PRKAR2B: variants seen among roughly 807,000 people sequenced by gnomAD.
The protein encoded by PRKAR2B is cAMP-dependent protein kinase type II-beta regulatory subunit.
In PRKAR2B, 14 loss-of-function variants were observed where a neutral mutation model predicts 49.9. The observed-to-expected ratio is 0.28, with a 90% confidence interval of 0.19 to 0.44. The LOEUF is 0.44. Ranked by LOEUF, PRKAR2B falls within the 20% of genes least tolerant of loss-of-function variation. The pLI is 1.00. For missense variants in PRKAR2B, 393 were observed against 537.9 expected (o/e 0.73, Z 2.67); for synonymous variants, 196 against 197.7 (o/e 0.99, Z 0.07).
intron 1 of PRKAR2B, among the ~76,000 whole-genome samples, chr7:107,046,863 G>A (rs1248175874): frequency 6.6e-6 from 1 of 151,898 alleles, no homozygotes; most frequent in Admixed American, 6.6e-5. Context: ...ATGATATGTT[G>A]TTAATATAAT....
intron 2 of PRKAR2B, among the ~76,000 whole-genome samples, chr7:107,080,283 G>A (rs1356965548): frequency 1.3e-5 from 2 of 152,184 alleles, no homozygotes; most frequent in Non-Finnish European, 2.9e-5. Context: ...TACCGTCTAA[G>A]AGAAGGAGTG....
Position 107,150,902 on chromosome 7 carries a change from T to G in PRKAR2B, c.742-20T>G, listed in dbSNP as rs1426397293. On this transcript the variant is annotated intron_variant, in intron 6 of 10. Transcript: ENST00000265717. ...AGCTTTACCCCCATAAAATTTACCC[T>G]TTAACTGTTCTGCCTGTAGGACAGG... 1 of 1,417,972 alleles carries G rather than the reference T, an allele frequency of 7.1e-7. No individual in the cohort carries two copies. The highest frequency in any genetic ancestry group is 9.8e-7 in the Non-Finnish European group (1 of 1,020,208). The allele number at this position is 1,417,972 out of a possible 1,614,324, so 87.8% of individuals were successfully genotyped here.
chr7:107,108,932 G>A (rs544282720), intron 2 of PRKAR2B, among the ~76,000 whole-genome samples: 47 of 152,332 alleles, frequency 3.1e-4, no homozygotes, highest in African/African-American at 1.1e-3. Context: ...ACAGTGTCCA[G>A]CCAAATGACT....
intron 2 of PRKAR2B, among the ~76,000 whole-genome samples, chr7:107,107,820 G>A (rs1355183826): frequency 6.6e-6 from 1 of 152,044 alleles, no homozygotes; most frequent in East Asian, 1.9e-4. Flanking sequence ...ACCATGCCCA[G>A]CTAATTTTTG....
intron 1 of PRKAR2B, among the ~76,000 whole-genome samples, chr7:107,053,591 C>T (rs1398839215): frequency 1.3e-5 from 2 of 150,300 alleles, no homozygotes; most frequent in Non-Finnish European, 3.0e-5. Context: ...GACAGTCACT[C>T]GGTAAGTTAA....
chr7:107,095,000 G>T (rs939465540), intron 2 of PRKAR2B, among the ~76,000 whole-genome samples: 1 of 152,030 alleles, frequency 6.6e-6, no homozygotes, highest in Admixed American at 6.6e-5. Flanking sequence ...CTCTTTTTTG[G>T]CTCCACATGA....
intron 1 of PRKAR2B, among the ~76,000 whole-genome samples, chr7:107,052,396 C>G (rs185893113): frequency 7.9e-5 from 12 of 152,210 alleles, no homozygotes; most frequent in African/African-American, 2.6e-4. Flanking sequence ...CCAGCTTGGG[C>G]AACAGAGGTA....
intron 1 of PRKAR2B, among the ~76,000 whole-genome samples, chr7:107,060,805 T>A (rs1012738762): frequency 1.1e-4 from 17 of 151,952 alleles, no homozygotes; most frequent in African/African-American, 4.1e-4. Flanking sequence ...TTGCTTGTGA[T>A]TTTTTTTGCC....
At chr7:107,088,899 C>T (rs1008605937) in intron 2 of PRKAR2B, among the ~76,000 whole-genome samples, 3 of 151,706 alleles carry the variant, frequency 2.0e-5, no homozygotes, top group Non-Finnish European at 4.4e-5. Context: ...TGCACCCAGC[C>T]GGAGGTAGGT....
chr7:107,138,144 TA>T (rs1309665988), intron 4 of PRKAR2B, among the ~76,000 whole-genome samples: 3 of 152,272 alleles, frequency 2.0e-5, no homozygotes, highest in East Asian at 1.9e-4. Flanking sequence ...TATTTACCTT[TA>T]AAAAAATTGT....
intron 8 of PRKAR2B, among the ~76,000 whole-genome samples, chr7:107,154,994 C>T (rs1297042546): frequency 6.6e-6 from 1 of 152,174 alleles, no homozygotes; most frequent in African/African-American, 2.4e-5. Context: ...GCTTTCTGCT[C>T]TTTGCAAGTT....
At chr7:107,092,042 C>T (rs564862595) in intron 2 of PRKAR2B, among the ~76,000 whole-genome samples, 1 of 151,974 alleles carries the variant, frequency 6.6e-6, no homozygotes, top group African/African-American at 2.4e-5. Flanking sequence ...GAATAAATTT[C>T]CAATTCAGCA....
intron 2 of PRKAR2B, among the ~76,000 whole-genome samples, chr7:107,095,509 G>A (rs1794820637): frequency 6.6e-6 from 1 of 152,134 alleles, no homozygotes; most frequent in African/African-American, 2.4e-5. Flanking sequence ...TCTCCTGCCT[G>A]ATTGCCCTGG....
chr7:107,055,548 T>G (rs2116753195), intron 1 of PRKAR2B, among the ~76,000 whole-genome samples: 1 of 152,312 alleles, frequency 6.6e-6, no homozygotes, highest in African/African-American at 2.4e-5. Flanking sequence ...TTGATTTGCA[T>G]TTCTCTGATG....
At position 107,088,733 on chromosome 7, in the gene PRKAR2B, G is replaced by A. The variant is rs1277083806; in HGVS notation, c.343+18417G>A. On this transcript the variant is annotated intron_variant, in intron 2 of 10. Coordinates refer to ENST00000265717, the MANE Select transcript of PRKAR2B (RefSeq NM_002736.3). The stretch of plus-strand genomic sequence containing the variant: ...TCCTGCCTCAGCCTCTTGAGGAGTT[G>A]GGGCTACAGGCGTGTGTTACCACGC... 7.2e-5 allele frequency among the ~76,000 whole-genome samples: 11 copies of A among 152,130 alleles called. No individual in the cohort carries two copies. In the East Asian group the frequency reaches 2.1e-3, roughly 30 times the overall value.
chr7:107,124,059 A>G (rs1358713458), intron 3 of PRKAR2B, among the ~76,000 whole-genome samples: 1 of 152,230 alleles, frequency 6.6e-6, no homozygotes, highest in African/African-American at 2.4e-5. Flanking sequence ...TGATAAAATT[A>G]CATTTCATTT....
rs1235000106 is a variant in PRKAR2B, at chr7:107,160,553, T to C, written c.*971T>C. On this transcript the variant is annotated 3_prime_UTR_variant, in exon 11 of 11. Transcript: ENST00000265717. ...TAGGCCTGCATAATACAGTCCTATG[T>C]AGACATCTGTTCCCTTGGGTTTCCG... 1 of 152,214 alleles carries C rather than the reference T, an allele frequency of 6.6e-6. No homozygotes were observed. Among genetic ancestry groups the C allele is most frequent in the Non-Finnish European group, 1.5e-5 (1 of 68,018 alleles). The allele number at this position is 152,214 out of a possible 1,614,324, so 9.4% of individuals were successfully genotyped here.
At chr7:107,116,686 T>A (rs1795278536) in intron 2 of PRKAR2B, among the ~76,000 whole-genome samples, 1 of 151,930 alleles carries the variant, frequency 6.6e-6, no homozygotes, top group Non-Finnish European at 1.5e-5. Flanking sequence ...AATGTGAACT[T>A]CTATATTTTG....
intron 6 of PRKAR2B, 148 bp downstream of exon 6, chr7:107,146,609 G>T: frequency 2.3e-6 from 2 of 863,670 alleles, no homozygotes; most frequent in Admixed American, 2.9e-5. Flanking sequence ...GAACTGTAGG[G>T]CACTAAGACT....
Sources: allele counts gnomAD v4.1 joint callset (sites outside exome capture counted in the v4.1 genomes callset), GRCh38; gene constraint gnomAD v4.1.1; transcripts MANE v1.5; gene names NCBI Gene and HGNC (gene_info 2026-07-23, HGNC 2026-07-21).